CASZ1: variants seen among roughly 807,000 people sequenced by gnomAD.
The protein encoded by CASZ1 is castor zinc finger 1.
Under a neutral mutation model 135.2 loss-of-function variants are expected in CASZ1, and 28 were observed. The observed-to-expected ratio is 0.21, with a 90% confidence interval of 0.15 to 0.28. The LOEUF (loss-of-function observed/expected upper bound fraction) is 0.28. CASZ1 is among the 10% of genes least tolerant of loss of function. CASZ1 has a pLI of 1.00. For synonymous variants in CASZ1, 1,068 were observed against 1,073.4 expected (o/e 0.99, Z 0.10); for missense variants, 2,161 against 2,453.3 (o/e 0.88, Z 2.52).
chr1:10,668,324 C>T (rs888240061), intron 4 of CASZ1, among the ~76,000 whole-genome samples: 8 of 152,196 alleles, frequency 5.3e-5, no homozygotes, highest in Non-Finnish European at 7.4e-5. Flanking sequence ...AAAATATAAA[C>T]GCCGTGGCCA....
intron 1 of CASZ1, among the ~76,000 whole-genome samples, chr1:10,782,640 C>T (rs931574981): frequency 2.0e-5 from 3 of 152,186 alleles, no homozygotes; most frequent in Non-Finnish European, 2.9e-5. Flanking sequence ...GAGCACAGCA[C>T]GTCCCTTCAT....
rs892266574 is a variant in CASZ1 at position 10,657,415 on chromosome 1, G to A, written c.1410-679C>T. Among the ~76,000 whole-genome samples, 1 of 152,190 alleles carries A rather than the reference G, an allele frequency of 6.6e-6. No individual in the cohort carries two copies. Among genetic ancestry groups the A allele is most frequent in the African/African-American group, 2.4e-5 (1 of 41,460 alleles). On this transcript the variant is annotated intron_variant, in intron 7 of 20. Transcript: ENST00000377022. This position sits in a 1 kb window ranked among gnomAD's most constrained non-coding sequence, Gnocchi z 5.7. ...CACCATGACGACTGTGGAGAAGGGT[G>A]TGACTCAGCCCGCCTGTACCCCTCC...
At chr1:10,737,788 G>A (rs1639828946) in intron 2 of CASZ1, among the ~76,000 whole-genome samples, 2 of 152,244 alleles carry the variant, frequency 1.3e-5, no homozygotes, top group Non-Finnish European at 2.9e-5. Flanking sequence ...AGTGGGCCGA[G>A]GTGCTCGGAG....
chr1:10,650,633 A>G, intron 13 of CASZ1, 59 bp downstream of exon 13: 1 of 1,416,284 alleles, frequency 7.1e-7, no homozygotes, highest in Non-Finnish European at 1.0e-6. Context: ...CCCACCCCCC[A>G]GCACAGCTTT....
At position 10,700,855 on chromosome 1, in the gene CASZ1, C is replaced by T. The variant is rs1479099577; in HGVS notation, c.-24+4637G>A. ...GATGATGGTACAACCTTGTGAATAT[C>T]CTAAAAACCACTGAATTGTACATTT... On this transcript the variant is annotated intron_variant, in intron 3 of 20. Transcript: ENST00000377022. This position sits in a 1 kb window ranked among gnomAD's most constrained non-coding sequence, Gnocchi z 4.2. Among the ~76,000 whole-genome samples, 1 of 152,102 alleles carries T rather than the reference C, an allele frequency of 6.6e-6. No individual in the cohort carries two copies. Among genetic ancestry groups the T allele is most frequent in the Admixed American group, 6.5e-5 (1 of 15,274 alleles).
chr1:10,659,437 G>C (rs1327280876), intron 6 of CASZ1, among the ~76,000 whole-genome samples: 2 of 152,202 alleles, frequency 1.3e-5, no homozygotes, highest in Admixed American at 1.3e-4. Context: ...AGGTGCACGC[G>C]CAGGTCCAGG....
chr1:10,713,647 G>C (rs1639326405), intron 2 of CASZ1, among the ~76,000 whole-genome samples: 1 of 152,210 alleles, frequency 6.6e-6, no homozygotes, highest in African/African-American at 2.4e-5. Flanking sequence ...CTTCGTTTGG[G>C]TGAGGATTTC....
intron 4 of CASZ1, among the ~76,000 whole-genome samples, chr1:10,681,190 C>T (rs1212645817): frequency 3.3e-5 from 5 of 151,178 alleles, no homozygotes; most frequent in Non-Finnish European, 7.4e-5. Context: ...CAGGAGCCAC[C>T]GTGCCTGACC....
intron 2 of CASZ1, among the ~76,000 whole-genome samples, chr1:10,750,086 G>A (rs1156494207): frequency 4.6e-5 from 7 of 152,092 alleles, no homozygotes; most frequent in Admixed American, 3.3e-4. Context: ...GCAGGGGCCC[G>A]GGGGCAGGGA....
chr1:10,726,428 G>T lies in CASZ1; in HGVS notation c.-76-20884C>A, dbSNP rs550626153. ...CTATGAAATACTCATGGCCATCACA[G>T]TCCTCCTGGCTGGAGCCGGAGGGAG... On this transcript the variant is annotated intron_variant, in intron 2 of 20. Coordinates refer to ENST00000377022, the MANE Select transcript of CASZ1 (RefSeq NM_001079843.3). This position sits in a 1 kb window ranked among gnomAD's most constrained non-coding sequence, Gnocchi z 5.7. 6.6e-6 allele frequency among the ~76,000 whole-genome samples: 1 copy of T among 152,336 alleles called. No homozygotes were observed. The highest frequency in any genetic ancestry group is 2.1e-4 in the South Asian group (1 of 4,828).
At position 10,647,209 on chromosome 1, in the gene CASZ1, G is replaced by T. The variant is rs116613665; in HGVS notation, c.3497+592C>A. On this transcript the variant is annotated intron_variant, in intron 16 of 20. Coordinates refer to ENST00000377022, the MANE Select transcript of CASZ1 (RefSeq NM_001079843.3). The surrounding 1 kb of genome is among the most constrained non-coding windows in gnomAD (Gnocchi z 4.9). ...GAGGGAGGACAGCTGCCACTCAGGC[G>T]ATATAAATAATCCAATTTATTACTT... 2,230 of 988,010 alleles carry T rather than the reference G, an allele frequency of 2.3e-3. 38 individuals carry two copies. The African/African-American group carries it at 0.033, about 15-fold the overall frequency. 61.2% of individuals were successfully genotyped at this position (988,010 alleles called of 1,614,324 possible). A position where few individuals can be genotyped will look rare whatever the true frequency, so the allele number is the denominator to read the frequency against.
At chr1:10,683,988 C>G (rs1242831947) in intron 4 of CASZ1, among the ~76,000 whole-genome samples, 1 of 152,216 alleles carries the variant, frequency 6.6e-6, no homozygotes, top group African/African-American at 2.4e-5. Flanking sequence ...GAACAGTGCT[C>G]AGGGGCGCCC....
Position 10,759,433 on chromosome 1 carries a change from A to C in CASZ1, c.-77+1268T>G, listed in dbSNP as rs1433588453. Among the ~76,000 whole-genome samples, 2 of 152,130 alleles carry C rather than the reference A, an allele frequency of 1.3e-5. No homozygotes were observed. Among genetic ancestry groups the C allele is most frequent in the Non-Finnish European group, 2.9e-5 (2 of 68,022 alleles). Reference sequence around the variant, plus strand: ...CGGCAGCACATCCTAAGTACGACAGACCAACTTCAGGAGCATGATCACCTT... The same window carrying C: ...CGGCAGCACATCCTAAGTACGACAGCCCAACTTCAGGAGCATGATCACCTT... On this transcript the variant is annotated intron_variant, in intron 2 of 20. Coordinates refer to ENST00000377022, the MANE Select transcript of CASZ1 (RefSeq NM_001079843.3). The surrounding 1 kb of genome is among the most constrained non-coding windows in gnomAD (Gnocchi z 4.2).
Position 10,665,270 on chromosome 1 carries a change from C to T in CASZ1, c.318G>A (p.Leu106=), listed in dbSNP as rs1643192310. 6.2e-6 allele frequency: 10 copies of T among 1,611,232 alleles called. No individual in the cohort carries two copies. The highest frequency in any genetic ancestry group is 2.2e-5 in the East Asian group (1 of 44,838). The change falls in exon 5 of 21, where the codon TTG becomes TTA. Residue 106 remains leucine, a synonymous_variant. Transcript: ENST00000377022. ...CCAGGCCCTCGCGGGCAATCCGCCCCAACACGGGTGTGGGTGCCGGCTCCT... is the reference window on the plus strand; with the variant it reads ...CCAGGCCCTCGCGGGCAATCCGCCCTAACACGGGTGTGGGTGCCGGCTCCT... The part of the protein sequence containing the change: ...YSEEPAPTPV[L]GRIAREGLEL...
rs893881789 is a variant in CASZ1, at chr1:10,739,182, C to T, written c.-77+21519G>A. 3.9e-5 allele frequency among the ~76,000 whole-genome samples: 6 copies of T among 152,086 alleles called. No homozygotes were observed. The highest frequency in any genetic ancestry group is 2.6e-4 in the Admixed American group (4 of 15,280). On this transcript the variant is annotated intron_variant, in intron 2 of 20. Coordinates refer to ENST00000377022, the MANE Select transcript of CASZ1 (RefSeq NM_001079843.3). This position sits in a 1 kb window ranked among gnomAD's most constrained non-coding sequence, Gnocchi z 4.8. ...TGGAGGGTGGCTGCTCTTTTCAGGCCGGCGGCCAGTCCCCGGGCGTACAGC... is the reference window on the plus strand; with the variant it reads ...TGGAGGGTGGCTGCTCTTTTCAGGCTGGCGGCCAGTCCCCGGGCGTACAGC...
rs1014004043 is a variant in CASZ1 at position 10,727,196 on chromosome 1, C to T, written c.-76-21652G>A. Among the ~76,000 whole-genome samples the T allele has an allele frequency of 3.3e-5, 5 of 151,856 alleles. No individual in the cohort carries two copies. The highest frequency in any genetic ancestry group is 3.2e-3 in the Middle Eastern group (1 of 316). On this transcript the variant is annotated intron_variant, in intron 2 of 20. Coordinates refer to ENST00000377022, the MANE Select transcript of CASZ1 (RefSeq NM_001079843.3). This position sits in a 1 kb window ranked among gnomAD's most constrained non-coding sequence, Gnocchi z 5.3. ...AGGTGGCCAGGGGTAGGGAGAGGCC[C>T]GCGACCGTCCCAGGCCTGTGGGAAG...
intron 4 of CASZ1, among the ~76,000 whole-genome samples, chr1:10,678,501 G>C (rs993899899): frequency 7.9e-6 from 1 of 126,420 alleles, no homozygotes. Flanking sequence ...CCCCGCGAGG[G>C]GGCCCGAGGC....
rs1639881798 is a variant in CASZ1, at chr1:10,739,978, C to G, written c.-77+20723G>C. On this transcript the variant is annotated intron_variant, in intron 2 of 20. Transcript: ENST00000377022. This position sits in a 1 kb window ranked among gnomAD's most constrained non-coding sequence, Gnocchi z 4.8. ...CACAGGTGGAGCCCATGGACAAGGT[C>G]TCATTCCAGTGGCCCGGTGTCACAG... Among the ~76,000 whole-genome samples, 1 of 152,170 alleles carries G rather than the reference C, an allele frequency of 6.6e-6. No individual in the cohort carries two copies. The highest frequency in any genetic ancestry group is 2.4e-5 in the African/African-American group (1 of 41,428).
chr1:10,666,463 C>T lies in CASZ1; in HGVS notation c.17-892G>A, dbSNP rs968904655. Reference sequence around the variant, plus strand: ...ATCCTAGGACCTTGCTCCCCAGCCTCGGCCAGCCTCTGCAGCCCCGGAAGG... The same window carrying T: ...ATCCTAGGACCTTGCTCCCCAGCCTTGGCCAGCCTCTGCAGCCCCGGAAGG... On this transcript the variant is annotated intron_variant, in intron 4 of 20. Coordinates refer to ENST00000377022, the MANE Select transcript of CASZ1 (RefSeq NM_001079843.3). The surrounding 1 kb of genome is among the most constrained non-coding windows in gnomAD (Gnocchi z 5.2). Among the ~76,000 whole-genome samples the T allele has an allele frequency of 5.3e-5, 8 of 152,152 alleles. No homozygotes were observed. The highest frequency in any genetic ancestry group is 1.9e-4 in the African/African-American group (8 of 41,428).
Sources: allele counts gnomAD v4.1 joint callset (sites outside exome capture counted in the v4.1 genomes callset), GRCh38; gene constraint gnomAD v4.1.1; non-coding constraint Gnocchi (gnomAD v3.1); transcripts MANE v1.5; gene names NCBI Gene and HGNC (gene_info 2026-07-23, HGNC 2026-07-21).